The following MTMR7 variants were observed in gnomAD, a reference collection of about 807,000 sequenced individuals.
The protein encoded by MTMR7 is phosphatidylinositol-3-phosphate phosphatase MTMR7.
Under a neutral mutation model 81.2 loss-of-function variants are expected in MTMR7, and 76 were observed. That is an observed-to-expected ratio of 0.94 (90% CI 0.78 to 1.13). The LOEUF (loss-of-function observed/expected upper bound fraction) is 1.13, where lower values mean the gene tolerates loss of function less well. MTMR7 is among the 50% of genes most tolerant of loss of function. MTMR7 has a pLI of 0.00. For synonymous variants in MTMR7, 372 were observed against 289.8 expected (o/e 1.28, Z -2.88); for missense variants, 1,044 against 820.0 (o/e 1.27, Z -3.34).
At chr8:17,337,556 A>AT (rs917527254) in intron 6 of MTMR7, among the ~76,000 whole-genome samples, 40 of 151,556 alleles carry the variant, frequency 2.6e-4, no homozygotes, top group African/African-American at 7.0e-4. Flanking sequence ...GAAGAGTATA[A>AT]TTTTTTTTTG....
intron 1 of MTMR7, among the ~76,000 whole-genome samples, chr8:17,391,512 A>G (rs942488791): frequency 3.9e-5 from 6 of 152,308 alleles, no homozygotes; most frequent in Admixed American, 3.9e-4. Context: ...TAGAGAAAGC[A>G]CTCAAGGAAT....
At chr8:17,408,513 G>C (rs1023226140) in intron 1 of MTMR7, among the ~76,000 whole-genome samples, 1 of 151,850 alleles carries the variant, frequency 6.6e-6, no homozygotes, top group African/African-American at 2.4e-5. Context: ...CTTATCAACT[G>C]CTAGATGACA....
chr8:17,299,051 G>T lies in MTMR7; in HGVS notation c.*811C>A, dbSNP rs1283847804. 1 of 152,172 alleles carries T rather than the reference G, an allele frequency of 6.6e-6. No homozygotes were observed. The highest frequency in any genetic ancestry group is 1.5e-5 in the Non-Finnish European group (1 of 68,038). 9.4% of individuals were successfully genotyped at this position (152,172 alleles called of 1,614,324 possible). On this transcript the variant is annotated 3_prime_UTR_variant, in exon 14 of 14. Coordinates refer to ENST00000180173, the MANE Select transcript of MTMR7 (RefSeq NM_004686.5). The stretch of plus-strand genomic sequence containing the variant: ...TACTTTGAGATCAGGCTGGTGGCTG[G>T]CCCACACTGTCGGTAGTGTAGTCTC...
At chr8:17,364,560 G>A (rs754789863) in intron 3 of MTMR7, among the ~76,000 whole-genome samples, 70 of 152,250 alleles carry the variant, frequency 4.6e-4, no homozygotes, top group South Asian at 2.5e-3. Flanking sequence ...TGCAGCCTTT[G>A]ACCATCATCT....
At chr8:17,350,527 C>T (rs538244889) in intron 4 of MTMR7, among the ~76,000 whole-genome samples, 5 of 152,282 alleles carry the variant, frequency 3.3e-5, no homozygotes, top group South Asian at 4.1e-4. Context: ...TACCTCCCAC[C>T]GGGTCCCTCC....
chr8:17,344,514 G>T (rs1211301540), intron 5 of MTMR7, among the ~76,000 whole-genome samples: 1 of 152,152 alleles, frequency 6.6e-6, no homozygotes, highest in Non-Finnish European at 1.5e-5. Context: ...GGGAGGCTGA[G>T]GCAGGAGAAT....
chr8:17,352,016 C>T (rs1049874943), intron 4 of MTMR7, among the ~76,000 whole-genome samples: 5 of 152,142 alleles, frequency 3.3e-5, no homozygotes, highest in Non-Finnish European at 7.3e-5. Flanking sequence ...GTGAAGATGT[C>T]CATCCTACAC....
intron 7 of MTMR7, among the ~76,000 whole-genome samples, chr8:17,327,948 TCATA>T (rs1192666835): frequency 2.0e-5 from 3 of 152,358 alleles, no homozygotes; most frequent in Admixed American, 1.3e-4. Context: ...TGTGAAAATC[TCATA>T]CAATCATTTA....
intron 5 of MTMR7, among the ~76,000 whole-genome samples, chr8:17,341,858 C>A (rs574055482): frequency 3.3e-5 from 5 of 151,978 alleles, no homozygotes; most frequent in African/African-American, 1.2e-4. Flanking sequence ...TTCTCAAATG[C>A]ATAGGATACG....
chr8:17,366,842 A>C (rs11991711), intron 3 of MTMR7, among the ~76,000 whole-genome samples: 44,304 of 146,002 alleles, frequency 0.3, 8,437 homozygotes, highest in African/African-American at 0.53. Flanking sequence ...GCCGAGATCG[A>C]GCCACTGCAC....
chr8:17,360,524 CT>C (rs763470651), intron 4 of MTMR7, among the ~76,000 whole-genome samples: 8 of 151,116 alleles, frequency 5.3e-5, no homozygotes, highest in Admixed American at 2.0e-4. Context: ...TCTCACATTA[CT>C]TTTGTTACTC....
rs2150572642 is a variant in MTMR7, at chr8:17,381,798, T to A, written c.25-8558A>T. 2.0e-5 allele frequency among the ~76,000 whole-genome samples: 3 copies of A among 152,324 alleles called. No homozygotes were observed. The South Asian group carries it at 6.2e-4, about 32-fold the overall frequency. ...CTAAGAAAAGCAGCTAGATAAATAG[T>A]TTGTTGTGCTAAAATTGGTATCATG... On this transcript the variant is annotated intron_variant, in intron 1 of 13. Coordinates refer to ENST00000180173, the MANE Select transcript of MTMR7 (RefSeq NM_004686.5).
At chr8:17,350,221 G>A (rs895859505) in intron 4 of MTMR7, among the ~76,000 whole-genome samples, 3 of 152,146 alleles carry the variant, frequency 2.0e-5, no homozygotes, top group Admixed American at 6.5e-5. Context: ...CATCTCAAGG[G>A]AGTCCTCAAG....
chr8:17,335,353 C>G (rs976660899), intron 6 of MTMR7, among the ~76,000 whole-genome samples: 1 of 152,060 alleles, frequency 6.6e-6, no homozygotes, highest in Non-Finnish European at 1.5e-5. Flanking sequence ...GAATGAGGCC[C>G]GGGGAGAGCA....
At chr8:17,316,648 G>GA (rs1198373061) in intron 7 of MTMR7, among the ~76,000 whole-genome samples, 1 of 151,482 alleles carries the variant, frequency 6.6e-6, no homozygotes, top group East Asian at 1.9e-4. Flanking sequence ...ACAAATATTT[G>GA]AAAAAAATAA....
chr8:17,363,893 G>A (rs1376905271), intron 3 of MTMR7, among the ~76,000 whole-genome samples: 9 of 147,998 alleles, frequency 6.1e-5, no homozygotes, highest in African/African-American at 2.2e-4. Context: ...GCAATTAGCT[G>A]GGAGGCAAGC....
At chr8:17,372,434 A>G (rs1396338207) in intron 2 of MTMR7, among the ~76,000 whole-genome samples, 1 of 152,026 alleles carries the variant, frequency 6.6e-6, no homozygotes, top group Admixed American at 6.5e-5. Flanking sequence ...AAAAACACAA[A>G]AAAGTCAGCC....
chr8:17,374,339 T>C (rs1188816039), intron 1 of MTMR7, among the ~76,000 whole-genome samples: 4 of 151,050 alleles, frequency 2.6e-5, no homozygotes, highest in Non-Finnish European at 5.9e-5. Context: ...AATACAAAAA[T>C]TGGCCGGGAG....
intron 10 of MTMR7, among the ~76,000 whole-genome samples, chr8:17,306,970 T>C (rs558007828): frequency 2.0e-5 from 3 of 152,300 alleles, no homozygotes; most frequent in Non-Finnish European, 2.9e-5. Context: ...ATTCAGGACA[T>C]AGGCATGGGC....
Sources: allele counts gnomAD v4.1 joint callset (sites outside exome capture counted in the v4.1 genomes callset), GRCh38; gene constraint gnomAD v4.1.1; transcripts MANE v1.5; gene names NCBI Gene and HGNC (gene_info 2026-07-23, HGNC 2026-07-21).